Variants in LRRC39 observed in about 807,000 individuals in gnomAD.
LRRC39 encodes leucine rich repeat containing 39.
In LRRC39, 35 loss-of-function variants were observed where a neutral mutation model predicts 39.7. The observed-to-expected ratio is 0.88, with a 90% CI of 0.67 to 1.17. The LOEUF (loss-of-function observed/expected upper bound fraction) is 1.17, where lower values mean the gene tolerates loss of function less well. LRRC39 is among the 50% of genes most tolerant of loss of function. LRRC39 has a pLI of 0.00. For synonymous variants in LRRC39, 113 were observed against 134.1 expected, an observed-to-expected ratio of 0.84 and a Z score of 1.09; for missense variants, 357 against 385.8, an observed-to-expected ratio of 0.93 and a Z score of 0.62.
At chr1:100,164,141 A>G (rs938876747) in intron 3 of LRRC39, among the ~76,000 whole-genome samples, 1 of 152,180 alleles carries the variant, frequency 6.6e-6, no homozygotes, top group Non-Finnish European at 1.5e-5. Context: ...TGATATTGCC[A>G]CACCAATCGT....
intron 8 of LRRC39, among the ~76,000 whole-genome samples, chr1:100,153,846 C>T (rs922872769): frequency 6.6e-6 from 1 of 152,078 alleles, no homozygotes; most frequent in African/African-American, 2.4e-5. Context: ...ACCTCGAACT[C>T]CTGGGCTCAA....
intron 4 of LRRC39, among the ~76,000 whole-genome samples, chr1:100,159,731 G>T (rs1406286427): frequency 6.7e-6 from 1 of 149,492 alleles, no homozygotes; most frequent in Non-Finnish European, 1.5e-5. Context: ...TGCAGTATTA[G>T]GCTTTCCTAA....
rs1195039317 is a variant in LRRC39 at position 100,158,294 on chromosome 1, ATTAC to A, written c.446_449del (p.Ser149IlefsTer8). 3 of 1,614,084 alleles carry A rather than the reference ATTAC, an allele frequency of 1.9e-6. No homozygotes were observed. The highest frequency in any genetic ancestry group is 4.5e-5 in the East Asian group (2 of 44,852). ...GTTCTAGTTTCTCCAAGCTGGCACA[ATTAC>A]TTAGTTCCTTGGGGACAGTCTTGAT... On this transcript the variant is annotated frameshift_variant, in exon 6 of 10. Coordinates refer to ENST00000370137, the MANE Select transcript of LRRC39 (RefSeq NM_144620.4). LOFTEE classifies it high-confidence loss of function.
chr1:100,149,081 A>C lies in LRRC39; in HGVS notation c.969T>G (p.Gly323=), dbSNP rs1267706430. 3.1e-6 allele frequency: 5 copies of C among 1,602,552 alleles called. No homozygotes were observed. In the African/African-American group the frequency reaches 5.4e-5, roughly 17 times the overall value. ...TTATGGAGATTGGTAAAGTAGTTGA[A>C]CCGTTGACTTGGTGATCTGAAACAT... ...SRRRADHQVN[G]STTLPISINT... is the part of the protein sequence containing the mutation. The change falls in exon 10 of 10, where the codon GGT becomes GGG. Residue 323 remains glycine, a synonymous_variant. Coordinates refer to ENST00000370137, the MANE Select transcript of LRRC39 (RefSeq NM_144620.4).
intron 9 of LRRC39, among the ~76,000 whole-genome samples, chr1:100,151,508 ACT>A (rs1435117274): frequency 3.3e-5 from 5 of 151,790 alleles, no homozygotes; most frequent in Admixed American, 1.3e-4. Flanking sequence ...TAGCTGAAAA[ACT>A]CTGTCATTGT....
intron 8 of LRRC39, 52 bp downstream of exon 8, chr1:100,154,999 T>C: frequency 6.7e-7 from 1 of 1,502,688 alleles, no homozygotes; most frequent in Non-Finnish European, 8.9e-7. Flanking sequence ...TACTTTTTTC[T>C]GTAGCCAGAA....
At chr1:100,169,696 G>T (rs1363911168) in intron 2 of LRRC39, among the ~76,000 whole-genome samples, 1 of 151,966 alleles carries the variant, frequency 6.6e-6, no homozygotes, top group Non-Finnish European at 1.5e-5. Flanking sequence ...CCATTCTAAT[G>T]AATGTGAATA....
chr1:100,162,150 A>G (rs2101780866), intron 3 of LRRC39, among the ~76,000 whole-genome samples: 1 of 152,278 alleles, frequency 6.6e-6, no homozygotes, highest in African/African-American at 2.4e-5. Flanking sequence ...TGAGTAATCT[A>G]TAGATATTTA....
In LRRC39 at chr1:100,152,383, A is replaced by AC. The variant is rs1658111309; in HGVS notation, c.952+1dup. 6.2e-7 allele frequency: 1 copy of AC among 1,613,340 alleles called. No individual in the cohort carries two copies. The highest frequency in any genetic ancestry group is 1.3e-5 in the African/African-American group (1 of 74,882). On this transcript the variant is annotated splice_donor_variant, in intron 9 of 9. Coordinates refer to ENST00000370137, the MANE Select transcript of LRRC39 (RefSeq NM_144620.4). LOFTEE classifies it high-confidence loss of function. ...AATCTGTGTTATATACAAATCTTAT[A>AC]CCTGCTCTTCTCCGTGACTCTTGTA...
chr1:100,164,697 AT>A (rs1487491456), intron 3 of LRRC39, among the ~76,000 whole-genome samples: 3 of 150,766 alleles, frequency 2.0e-5, no homozygotes, highest in Admixed American at 6.6e-5. Flanking sequence ...TTATTTATTA[AT>A]TTTTTTCTTT....
chr1:100,149,264 C>A, intron 9 of LRRC39, 167 bp from the exon 10 acceptor site: 1 of 1,515,552 alleles, frequency 6.6e-7, no homozygotes, highest in Non-Finnish European at 8.8e-7. Flanking sequence ...TATATGTGGA[C>A]ATTTTTCCCT....
chr1:100,177,721 C>A (rs1423047505), intron 1 of LRRC39, among the ~76,000 whole-genome samples: 1 of 152,168 alleles, frequency 6.6e-6, no homozygotes, highest in Non-Finnish European at 1.5e-5. Context: ...TTTGCTAATT[C>A]ATTTCCTCAT....
chr1:100,167,142 G>A (rs1466760347), intron 3 of LRRC39, among the ~76,000 whole-genome samples: 1 of 152,156 alleles, frequency 6.6e-6, no homozygotes, highest in Non-Finnish European at 1.5e-5. Flanking sequence ...GGAGAGGTTT[G>A]TTAGGGACCC....
intron 9 of LRRC39, among the ~76,000 whole-genome samples, chr1:100,150,973 C>G (rs997509768): frequency 6.6e-6 from 1 of 151,782 alleles, no homozygotes; most frequent in African/African-American, 2.4e-5. Flanking sequence ...ACTAAAAATA[C>G]GAAATTAGTG....
intron 1 of LRRC39, among the ~76,000 whole-genome samples, chr1:100,174,524 C>T (rs773592454): frequency 2.0e-4 from 30 of 152,178 alleles, no homozygotes; most frequent in Non-Finnish European, 4.0e-4. Context: ...ATCTTGAACT[C>T]CTGGGCTCAA....
intron 2 of LRRC39, among the ~76,000 whole-genome samples, chr1:100,172,715 C>T (rs1389206900): frequency 1.3e-5 from 2 of 152,108 alleles, no homozygotes; most frequent in East Asian, 3.9e-4. Context: ...AGTCCCAGCA[C>T]TTTGGGAGGC....
chr1:100,154,918 T>C, intron 8 of LRRC39, 133 bp downstream of exon 8: 3 of 769,552 alleles, frequency 3.9e-6, no homozygotes, highest in Non-Finnish European at 5.8e-6. Flanking sequence ...ATGTCAACAT[T>C]GGAAAAGATT....
chr1:100,149,909 AGTT>A, intron 9 of LRRC39: 1 of 153,594 alleles, frequency 6.5e-6, no homozygotes, highest in East Asian at 1.9e-4. Context: ...TTTATCCTGT[AGTT>A]CTATGATTAT....
intron 2 of LRRC39, among the ~76,000 whole-genome samples, chr1:100,168,815 A>G (rs983374633): frequency 6.6e-6 from 1 of 151,960 alleles, no homozygotes; most frequent in Non-Finnish European, 1.5e-5. Flanking sequence ...GAAGGTGAAC[A>G]ATTTTCTTGG....
Sources: allele counts gnomAD v4.1 joint callset (sites outside exome capture counted in the v4.1 genomes callset), GRCh38; gene constraint gnomAD v4.1.1; transcripts MANE v1.5; gene names NCBI Gene and HGNC (gene_info 2026-07-23, HGNC 2026-07-21).